Variants in NCAM1 observed in about 807,000 individuals in gnomAD.
NCAM1 encodes the protein antigen recognized by monoclonal antibody 5.1H11.
NCAM1 carries 14 observed loss-of-function variants against 109.8 expected under a neutral mutation model. That is an observed-to-expected ratio of 0.13 (90% CI 0.08 to 0.20). The LOEUF (loss-of-function observed/expected upper bound fraction) is 0.20. Among genes scored for constraint, NCAM1 ranks in the 10% least tolerant of loss-of-function variants. The pLI is 1.00. For synonymous variants in NCAM1, 418 were observed against 442.9 expected, an observed-to-expected ratio of 0.94 and a Z score of 0.70; for missense variants, 774 against 1,109.9, an observed-to-expected ratio of 0.70 and a Z score of 4.30.
chr11:113,027,262 T>C (rs1952574315), intron 1 of NCAM1, among the ~76,000 whole-genome samples: 1 of 152,234 alleles, frequency 6.6e-6, no homozygotes, highest in African/African-American at 2.4e-5. Context: ...AAATTTGGGA[T>C]CCTAAAGAGT....
intron 1 of NCAM1, among the ~76,000 whole-genome samples, chr11:113,047,847 A>C (rs1953325585): frequency 6.6e-6 from 1 of 152,186 alleles, no homozygotes; most frequent in Non-Finnish European, 1.5e-5. Context: ...AAAACAGCAC[A>C]GGAAAGACCT....
intron 1 of NCAM1, among the ~76,000 whole-genome samples, chr11:113,106,849 C>T (rs189819720): frequency 2.6e-5 from 4 of 152,178 alleles, no homozygotes; most frequent in Admixed American, 2.6e-4. Context: ...CTAAAAAAGC[C>T]CAGAGAGAAA....
At chr11:113,116,976 C>G (rs180973315) in intron 1 of NCAM1, among the ~76,000 whole-genome samples, 32 of 151,842 alleles carry the variant, frequency 2.1e-4, no homozygotes, top group African/African-American at 7.5e-4. Flanking sequence ...GTGGGCACTC[C>G]CAGTCAAATG....
intron 7 of NCAM1, among the ~76,000 whole-genome samples, chr11:113,214,001 C>A (rs1555113990): frequency 6.6e-6 from 1 of 152,154 alleles, no homozygotes; most frequent in Non-Finnish European, 1.5e-5. Flanking sequence ...AGTCAGTTTC[C>A]TACACTTCAA....
intron 1 of NCAM1, among the ~76,000 whole-genome samples, chr11:113,197,696 A>C (rs1187509001): frequency 6.6e-6 from 1 of 152,188 alleles, no homozygotes; most frequent in Non-Finnish European, 1.5e-5. Flanking sequence ...TAGCCACGGG[A>C]GAGACTTTGG....
chr11:112,973,109 C>T (rs1248990092), intron 1 of NCAM1, among the ~76,000 whole-genome samples: 1 of 152,110 alleles, frequency 6.6e-6, no homozygotes, highest in Admixed American at 6.5e-5. Context: ...CTGTGGTGTT[C>T]ATACATTTAT....
chr11:113,134,166 C>T (rs1187691936), intron 1 of NCAM1, among the ~76,000 whole-genome samples: 4 of 152,132 alleles, frequency 2.6e-5, no homozygotes, highest in African/African-American at 9.7e-5. Context: ...CCCTGGCAAA[C>T]ACTCTTCTAC....
At chr11:113,216,002 C>A (rs1238166457) in intron 8 of NCAM1, among the ~76,000 whole-genome samples, 1 of 152,178 alleles carries the variant, frequency 6.6e-6, no homozygotes, top group African/African-American at 2.4e-5. Context: ...GAAATAATAT[C>A]TATCTCAGAT....
At chr11:113,144,836 G>A (rs1309866515) in intron 1 of NCAM1, among the ~76,000 whole-genome samples, 1 of 152,188 alleles carries the variant, frequency 6.6e-6, no homozygotes, top group Non-Finnish European at 1.5e-5. Context: ...AGAGCCTGGG[G>A]CATAATAGGT....
chr11:112,999,778 C>T (rs1951693775), intron 1 of NCAM1, among the ~76,000 whole-genome samples: 1 of 152,036 alleles, frequency 6.6e-6, no homozygotes, highest in Non-Finnish European at 1.5e-5. Flanking sequence ...CTGTGTCATC[C>T]CTAGGGCTGC....
chr11:113,139,278 G>C (rs1941724328), intron 1 of NCAM1, among the ~76,000 whole-genome samples: 1 of 152,198 alleles, frequency 6.6e-6, no homozygotes, highest in South Asian at 2.1e-4. Context: ...GGGTGACATT[G>C]TCTTAAGTTT....
intron 14 of NCAM1, among the ~76,000 whole-genome samples, chr11:113,239,366 A>G (rs961329547): frequency 2.0e-5 from 3 of 152,142 alleles, no homozygotes; most frequent in African/African-American, 7.2e-5. Context: ...CTAGCTAGGA[A>G]TCTTCCCCTC....
At position 113,068,271 on chromosome 11, in the gene NCAM1, G is replaced by T. The variant is rs181771795; in HGVS notation, c.52+106607G>T. Among the ~76,000 whole-genome samples the T allele has an allele frequency of 7.2e-5, 11 of 152,252 alleles. No individual in the cohort carries two copies. The East Asian group carries it at 1.9e-3, about 27-fold the overall frequency. ...GGCTTGTTGATAAGTACAACAAGAG[G>T]TTAAGAACTCTAGCTGTAGAGTCAT... On this transcript the variant is annotated intron_variant, in intron 1 of 19. Transcript: ENST00000316851.
At chr11:113,190,571 G>A (rs148612042) in intron 1 of NCAM1, among the ~76,000 whole-genome samples, 22 of 152,286 alleles carry the variant, frequency 1.4e-4, no homozygotes, top group African/African-American at 2.9e-4. Context: ...TCATGATGAC[G>A]TGGCATTTCC....
At chr11:113,023,648 GTGTGTT>G (rs1282341396) in intron 1 of NCAM1, among the ~76,000 whole-genome samples, 3 of 152,172 alleles carry the variant, frequency 2.0e-5, no homozygotes, top group African/African-American at 7.2e-5. Context: ...GTTTTCCTCT[GTGTGTT>G]TGTGTTTGTG....
chr11:113,227,938 T>A (rs1555116547), intron 9 of NCAM1, among the ~76,000 whole-genome samples: 1 of 152,136 alleles, frequency 6.6e-6, no homozygotes, highest in Non-Finnish European at 1.5e-5. Context: ...TATCTCAAAA[T>A]AATGGGAGCT....
chr11:113,186,838 G>A (rs1224373872), intron 1 of NCAM1, among the ~76,000 whole-genome samples: 1 of 152,254 alleles, frequency 6.6e-6, no homozygotes, highest in East Asian at 1.9e-4. Flanking sequence ...CAGCAGAGGT[G>A]CGAAGCCAGT....
rs1337797130 is a variant in NCAM1, at chr11:112,986,944, G to GT, written c.52+25287dup. Among the ~76,000 whole-genome samples the GT allele has an allele frequency of 6.6e-5, 10 of 151,932 alleles. No individual in the cohort carries two copies. The East Asian group carries it at 9.7e-4, about 15-fold the overall frequency. ...CTTTTTTAAATTAACTTTGTGCTTA[G>GT]TTTTTTTCTTAATTTTTAAGTTCTT... On this transcript the variant is annotated intron_variant, in intron 1 of 19. Transcript: ENST00000316851.
At chr11:113,214,582 A>T (rs1373586691) in intron 8 of NCAM1, 71 bp downstream of exon 8, 63 of 1,499,710 alleles carry the variant, frequency 4.2e-5, no homozygotes, top group Non-Finnish European at 5.7e-5. Context: ...GCTCATGCCC[A>T]GTTCTCTTTG....
Sources: gnomAD v4.1 joint callset for allele counts (sites outside exome capture counted in the v4.1 genomes callset) on GRCh38, gnomAD v4.1.1 for gene constraint, MANE v1.5 for transcripts, NCBI Gene and HGNC (gene_info 2026-07-23, HGNC 2026-07-21) for gene names.